The following RET variants were observed in gnomAD, a reference collection of about 807,000 sequenced individuals.
RET encodes the protein ret proto-oncogene.
RET carries 19 observed loss-of-function variants against 118.3 expected under a neutral mutation model. The ratio of observed to expected loss-of-function variants is 0.16; its 90% confidence interval spans 0.11 to 0.24. The LOEUF is 0.24. RET is among the 10% of genes least tolerant of loss of function. RET has a pLI of 1.00. For synonymous variants in RET, 597 were observed against 644.1 expected (o/e 0.93, Z 1.11); for missense variants, 1,219 against 1,502.1 (o/e 0.81, Z 3.12).
chr10:43,117,293 T>C (rs1297169904), intron 12 of RET, among the ~76,000 whole-genome samples: 1 of 152,206 alleles, frequency 6.6e-6, no homozygotes, highest in African/African-American at 2.4e-5. Context: ...TACATAACAA[T>C]TATCTGCAGT....
rs779594537 is a variant in RET, at chr10:43,121,999, C to T, written c.2784C>T (p.Tyr928=). ...TTGAATCCCTTTTTGATCATATCTA[C>T]ACCACGCAAAGTGATGTGTAAGTGT... The part of the protein sequence containing the change: ...MAIESLFDHI[Y]TTQSDVWSFG... Residue 928 remains tyrosine (Y), a synonymous_variant, in exon 16 of 20, where the codon TAC becomes TAT. Coordinates refer to ENST00000355710, the MANE Select transcript of RET (RefSeq NM_020975.6). The T allele has an allele frequency of 3.7e-6, 6 of 1,613,572 alleles. No individual in the cohort carries two copies. Among genetic ancestry groups the T allele is most frequent in the Non-Finnish European group, 3.4e-6 (4 of 1,179,484 alleles).
At chr10:43,081,879 A>G (rs1007240759) in intron 1 of RET, among the ~76,000 whole-genome samples, 6 of 152,192 alleles carry the variant, frequency 3.9e-5, no homozygotes, top group African/African-American at 1.4e-4. Context: ...TCATAGGAGA[A>G]CTTTGGAGGA....
chr10:43,119,861 C>A, intron 14 of RET, 116 bp downstream of exon 14: 1 of 1,305,572 alleles, frequency 7.7e-7, no homozygotes, highest in Non-Finnish European at 1.1e-6. Context: ...CACTCTAGCC[C>A]ACCATGCCCC....
intron 15 of RET, 57 bp downstream of exon 15, chr10:43,120,260 C>T (rs200164695): frequency 6.2e-7 from 1 of 1,605,764 alleles, no homozygotes; most frequent in East Asian, 2.2e-5. Context: ...CACCATGGGG[C>T]AGGCAGTGCC....
At chr10:43,084,108 C>T (rs922687544) in intron 1 of RET, among the ~76,000 whole-genome samples, 1 of 152,164 alleles carries the variant, frequency 6.6e-6, no homozygotes, top group South Asian at 2.1e-4. Flanking sequence ...AATAGTGTGC[C>T]GTCACCCATT....
intron 1 of RET, among the ~76,000 whole-genome samples, chr10:43,081,492 G>A (rs1016656053): frequency 6.6e-6 from 1 of 152,108 alleles, no homozygotes; most frequent in Non-Finnish European, 1.5e-5. Flanking sequence ...GGCAAGGGGC[G>A]GGGACTGGGC....
rs878855062 is a variant in RET at position 43,128,125 on chromosome 10, G to A, written c.3201G>A (p.Pro1067=). 3.1e-6 allele frequency: 5 copies of A among 1,614,154 alleles called. No homozygotes were observed. Among genetic ancestry groups the A allele is most frequent in the Non-Finnish European group, 4.2e-6 (5 of 1,180,046 alleles). ...TTTCATTTTTAGGCATGTCAGACCC[G>A]AACTGGCCTGGAGAGAGTCCTGTAC... The part of the protein sequence containing the change: ...IENKLYGMSD[P]NWPGESPVPL... Residue 1067 remains proline (P), a synonymous_variant, in exon 20 of 20, where the codon CCG becomes CCA. Transcript: ENST00000355710.
chr10:43,097,982 T>C (rs1019636933), intron 1 of RET, among the ~76,000 whole-genome samples: 4 of 152,234 alleles, frequency 2.6e-5, no homozygotes, highest in African/African-American at 9.6e-5. Context: ...TGGTATTGTT[T>C]GGGCATTCTA....
intron 12 of RET, among the ~76,000 whole-genome samples, chr10:43,118,048 C>T (rs893622705): frequency 6.6e-5 from 10 of 152,106 alleles, no homozygotes; most frequent in African/African-American, 2.4e-4. Flanking sequence ...ATGATTAATG[C>T]GGGGAATTTC....
intron 1 of RET, among the ~76,000 whole-genome samples, chr10:43,096,232 G>A (rs934869790): frequency 1.4e-4 from 22 of 151,896 alleles, no homozygotes; most frequent in African/African-American, 4.6e-4. Flanking sequence ...CTCGACCCAC[G>A]GGCCTGGCCT....
At position 43,128,744 on chromosome 10, in the gene RET, T is replaced by G. The variant is rs1838387051; in HGVS notation, c.*475T>G. ...GCTGGCCCTGATGACCTGTCCTTAT[T>G]CAGAATGAGAGACTGCGGGGGGGGC... On this transcript the variant is annotated 3_prime_UTR_variant, in exon 20 of 20. Coordinates refer to ENST00000355710, the MANE Select transcript of RET (RefSeq NM_020975.6). 3.3e-6 allele frequency: 1 copy of G among 307,544 alleles called. No individual in the cohort carries two copies. Among genetic ancestry groups the G allele is most frequent in the African/African-American group, 2.2e-5 (1 of 46,044 alleles). 19.1% of individuals were successfully genotyped at this position (307,544 alleles called of 1,614,324 possible). A position where few individuals can be genotyped will look rare whatever the true frequency, so the allele number is the denominator to read the frequency against.
intron 12 of RET, 117 bp downstream of exon 12, chr10:43,116,848 C>A: frequency 7.4e-7 from 1 of 1,342,496 alleles, no homozygotes; most frequent in African/African-American, 1.5e-5. Context: ...TCTAGAGCGG[C>A]TGCAGTTGGG....
chr10:43,112,517 G>A (rs995157899), intron 8 of RET, among the ~76,000 whole-genome samples: 1 of 152,232 alleles, frequency 6.6e-6, no homozygotes, highest in African/African-American at 2.4e-5. Flanking sequence ...GAGGTCCTCG[G>A]CCAGGGGATG....
At position 43,116,757 on chromosome 10, in the gene RET, C is replaced by T; in HGVS notation, c.2284+26C>T. On this transcript the variant is annotated intron_variant, in intron 12 of 19. Coordinates refer to ENST00000355710, the MANE Select transcript of RET (RefSeq NM_020975.6). ...GTACCTGCCAGGCACAGGCACAGTG[C>T]CCCTGGGGGAGTCTCCGGGGCGGGG... 1.9e-6 allele frequency: 3 copies of T among 1,609,764 alleles called. No individual in the cohort carries two copies. The highest frequency in any genetic ancestry group is 1.1e-5 in the South Asian group (1 of 90,878).
At chr10:43,116,878 C>T in intron 12 of RET, 147 bp downstream of exon 12, 1 of 942,444 alleles carries the variant, frequency 1.1e-6, no homozygotes, top group Non-Finnish European at 1.6e-6. Flanking sequence ...CCATGGGCCA[C>T]TTGGGCCTAG....
At chr10:43,093,908 T>C (rs1837463363) in intron 1 of RET, among the ~76,000 whole-genome samples, 1 of 150,800 alleles carries the variant, frequency 6.6e-6, no homozygotes, top group South Asian at 2.1e-4. Context: ...CTGGTGGGGG[T>C]GGGACACAGT....
At position 43,102,575 on chromosome 10, in the gene RET, C is replaced by A. The variant is rs1176319006; in HGVS notation, c.571C>A (p.Leu191Met). 6.2e-7 allele frequency: 1 copy of A among 1,614,132 alleles called. No individual in the cohort carries two copies. The highest frequency in any genetic ancestry group is 1.3e-5 in the African/African-American group (1 of 74,960). The change falls in exon 3 of 20, where the codon CTG (leucine) becomes ATG (methionine). Residue 191 changes from leucine to methionine, a missense_variant. This residue lies in a region of RET where 850 missense variants were observed against 969.6 expected (regional missense o/e 0.88). Coordinates refer to ENST00000355710, the MANE Select transcript of RET (RefSeq NM_020975.6). ...PPGTFHQFRLLPVQFLCPNIS... is the reference protein window; with the variant it reads ...PPGTFHQFRLMPVQFLCPNIS... ...AGGCACCTTCCACCAGTTCCGCCTG[C>A]TGCCTGTGCAGTTCTTGTGCCCCAA...
chr10:43,092,385 A>T (rs1837429218), intron 1 of RET, among the ~76,000 whole-genome samples: 3 of 152,224 alleles, frequency 2.0e-5, no homozygotes, highest in Non-Finnish European at 4.4e-5. Context: ...AGTGCTGTGG[A>T]AGGATGGTTT....
intron 7 of RET, 123 bp from the exon 8 acceptor site, chr10:43,111,976 A>T (rs2132791959): frequency 7.2e-7 from 1 of 1,384,684 alleles, no homozygotes; most frequent in Non-Finnish European, 9.9e-7. Flanking sequence ...TGGGTCTGTC[A>T]CTCCGGTCCC....
Sources: gnomAD v4.1 joint callset for allele counts (sites outside exome capture counted in the v4.1 genomes callset) on GRCh38, gnomAD v4.1.1 for gene constraint, gnomAD v4.1.1 regional missense constraint, MANE v1.5 for transcripts, NCBI Gene and HGNC (gene_info 2026-07-23, HGNC 2026-07-21) for gene names.